SEMA3D: variants seen among roughly 807,000 people sequenced by gnomAD.
SEMA3D encodes the protein semaphorin-3D.
In SEMA3D, 84 loss-of-function variants were observed where a neutral mutation model predicts 100.1. That is an observed-to-expected ratio of 0.84 (90% CI 0.70 to 1.01). The LOEUF is 1.01. Ranked by LOEUF, SEMA3D falls within the 50% of genes least tolerant of loss-of-function variation. The probability of loss-of-function intolerance (pLI) is 0.00; values close to 1 mark genes in which losing one functional copy is unlikely to be tolerated. For missense variants in SEMA3D, 875 were observed against 934.1 expected, an observed-to-expected ratio of 0.94 and a Z score of 0.82; for synonymous variants, 312 against 320.7, an observed-to-expected ratio of 0.97 and a Z score of 0.29.
chr7:85,218,331 T>C, the SEMA3D span, among the ~76,000 whole-genome samples: 1 of 152,132 alleles, frequency 6.6e-6, no homozygotes, highest in Non-Finnish European at 1.5e-5. Flanking sequence ...TTGTACACAT[T>C]ATAAAACATT....
intron 17 of SEMA3D, among the ~76,000 whole-genome samples, chr7:85,010,317 C>A (rs931899780): frequency 6.6e-6 from 1 of 151,766 alleles, no homozygotes; most frequent in Non-Finnish European, 1.5e-5. Context: ...ACCAATTGTT[C>A]TAAGAAGCTA....
At chr7:85,117,289 A>C (rs920209429) in intron 3 of SEMA3D, among the ~76,000 whole-genome samples, 1 of 152,162 alleles carries the variant, frequency 6.6e-6, no homozygotes, top group African/African-American at 2.4e-5. Context: ...TTACAACTCC[A>C]TTAAAGAGTA....
intron 2 of SEMA3D, chr7:85,141,903 T>C (rs1241857932): frequency 1.0e-6 from 1 of 975,082 alleles, no homozygotes; most frequent in Non-Finnish European, 1.2e-6. Flanking sequence ...AATTTAGATT[T>C]CTCAGTATTA....
At chr7:85,158,372 G>C (rs1447439342) in intron 1 of SEMA3D, among the ~76,000 whole-genome samples, 1 of 152,176 alleles carries the variant, frequency 6.6e-6, no homozygotes, top group Non-Finnish European at 1.5e-5. Flanking sequence ...GGGGACGGCT[G>C]TCTTTTATGA....
chr7:85,040,654 A>G lies in SEMA3D; in HGVS notation c.1046+19T>C. 1.6e-6 allele frequency: 2 copies of G among 1,262,332 alleles called. No homozygotes were observed. Among genetic ancestry groups the G allele is most frequent in the Non-Finnish European group, 2.3e-6 (2 of 864,386 alleles). The allele number at this position is 1,262,332 out of a possible 1,614,324, so 78.2% of individuals were successfully genotyped here. ...ATATACAATTCTCTGAAGCATTAAAAGCATTTTGTTGAACATACCTGGTTG... is the reference window on the plus strand; with the variant it reads ...ATATACAATTCTCTGAAGCATTAAAGGCATTTTGTTGAACATACCTGGTTG... On this transcript the variant is annotated intron_variant, in intron 11 of 18. Transcript: ENST00000284136.
intron 8 of SEMA3D, among the ~76,000 whole-genome samples, chr7:85,056,552 A>G (rs1791323355): frequency 6.6e-6 from 1 of 151,044 alleles, no homozygotes; most frequent in South Asian, 2.1e-4. Context: ...TAGCATATAT[A>G]AGCATTAAAT....
At chr7:85,078,765 C>A (rs890784556) in intron 5 of SEMA3D, among the ~76,000 whole-genome samples, 6 of 152,122 alleles carry the variant, frequency 3.9e-5, no homozygotes, top group Non-Finnish European at 5.9e-5. Context: ...TTTGCAGTTA[C>A]ATAGTACCTT....
chr7:85,045,332 T>C (rs1009172134), intron 9 of SEMA3D, among the ~76,000 whole-genome samples: 1 of 152,020 alleles, frequency 6.6e-6, no homozygotes, highest in Non-Finnish European at 1.5e-5. Flanking sequence ...GGCCAAAGTG[T>C]CTGTATGTTA....
chr7:85,206,492 T>A, the SEMA3D span, among the ~76,000 whole-genome samples: 8 of 152,046 alleles, frequency 5.3e-5, no homozygotes, highest in Non-Finnish European at 1.2e-4. Flanking sequence ...TCCTAGAAAT[T>A]ATTTCGAAAA....
At chr7:85,037,633 T>C (rs1286254016) in intron 11 of SEMA3D, among the ~76,000 whole-genome samples, 4 of 152,110 alleles carry the variant, frequency 2.6e-5, no homozygotes, top group African/African-American at 9.7e-5. Flanking sequence ...GTTGAAACAA[T>C]CTTTTTCTTT....
At chr7:85,143,279 T>TA in intron 2 of SEMA3D, 1 of 480,908 alleles carries the variant, frequency 2.1e-6, no homozygotes. Context: ...TCAAAGTGAT[T>TA]AAAAATAAGA....
At chr7:85,193,523 T>A in the SEMA3D span, among the ~76,000 whole-genome samples, 1 of 152,108 alleles carries the variant, frequency 6.6e-6, no homozygotes, top group Non-Finnish European at 1.5e-5. Context: ...CCTGCTGGGA[T>A]TTTATCAGAG....
intron 16 of SEMA3D, among the ~76,000 whole-genome samples, chr7:85,013,403 GA>G (rs1790011597): frequency 6.6e-6 from 1 of 151,654 alleles, no homozygotes; most frequent in Non-Finnish European, 1.5e-5. Flanking sequence ...ATCTGCTGAT[GA>G]GTAGCTCAAA....
chr7:85,213,556 A>C, the SEMA3D span, among the ~76,000 whole-genome samples: 1 of 151,962 alleles, frequency 6.6e-6, no homozygotes, highest in Non-Finnish European at 1.5e-5. Flanking sequence ...TCTCCAGGGA[A>C]TGATTTTCTA....
chr7:85,183,798 A>G (rs774646090), intron 1 of SEMA3D, among the ~76,000 whole-genome samples: 1 of 152,202 alleles, frequency 6.6e-6, no homozygotes, highest in African/African-American at 2.4e-5. Context: ...TTAACCTCCC[A>G]TCTCAGAACA....
intron 2 of SEMA3D, among the ~76,000 whole-genome samples, chr7:85,143,864 C>A (rs541599695): frequency 2.6e-5 from 4 of 151,748 alleles, no homozygotes; most frequent in African/African-American, 9.7e-5. Context: ...GCATGCGCCA[C>A]CACACCTGGC....
At chr7:85,165,903 G>C (rs1790891556) in intron 1 of SEMA3D, among the ~76,000 whole-genome samples, 1 of 151,946 alleles carries the variant, frequency 6.6e-6, no homozygotes, top group Admixed American at 6.6e-5. Flanking sequence ...CAGAGAAGAT[G>C]CTAAAAACAA....
At chr7:85,109,710 C>A (rs17159625) in intron 3 of SEMA3D, among the ~76,000 whole-genome samples, 1,656 of 151,898 alleles carry the variant, frequency 0.011, 30 homozygotes, top group African/African-American at 0.037. Flanking sequence ...TTAAAAAAGA[C>A]CTAAGGACAT....
At chr7:85,093,371 G>A (rs1788457383) in intron 4 of SEMA3D, among the ~76,000 whole-genome samples, 1 of 151,874 alleles carries the variant, frequency 6.6e-6, no homozygotes, top group African/African-American at 2.4e-5. Flanking sequence ...CTAAAAAAGA[G>A]ATATAAGTGA....
Sources: gnomAD v4.1 joint callset for allele counts (sites outside exome capture counted in the v4.1 genomes callset) on GRCh38, gnomAD v4.1.1 for gene constraint, MANE v1.5 for transcripts, NCBI Gene and HGNC (gene_info 2026-07-23, HGNC 2026-07-21) for gene names.